Variants in SH3BGRL2 observed in about 807,000 individuals in gnomAD.
SH3BGRL2 encodes SH3 domain-binding glutamic acid-rich-like protein 2.
In SH3BGRL2, 21 loss-of-function variants were observed where a neutral mutation model predicts 14.8. That is an observed-to-expected ratio of 1.42 (90% CI 1.01 to 2.05). SH3BGRL2 has a LOEUF of 2.05. SH3BGRL2 is among the 30% of genes most tolerant of loss of function. The pLI is 0.00. For synonymous variants in SH3BGRL2, 50 were observed against 47.8 expected, an observed-to-expected ratio of 1.05 and a Z score of -0.19; for missense variants, 147 against 130.8, an observed-to-expected ratio of 1.12 and a Z score of -0.61.
intron 2 of SH3BGRL2, among the ~76,000 whole-genome samples, chr6:79,676,668 TTTG>T (rs1185636346): frequency 6.6e-6 from 1 of 151,590 alleles, no homozygotes; most frequent in Non-Finnish European, 1.5e-5. Context: ...TTTGAAAATC[TTTG>T]TTGTTTTGTT....
At chr6:79,613,143 T>C in the SH3BGRL2 span, among the ~76,000 whole-genome samples, 26,840 of 152,174 alleles carry the variant, frequency 0.18, 2,482 homozygotes, top group South Asian at 0.22. Flanking sequence ...AGCAACATTC[T>C]GTTTAGATCA....
chr6:79,626,563 T>C (rs1251380470), upstream of SH3BGRL2, among the ~76,000 whole-genome samples: 1 of 152,196 alleles, frequency 6.6e-6, no homozygotes, highest in Non-Finnish European at 1.5e-5. Context: ...ACTATCATAA[T>C]AACAGCTAGT....
chr6:79,587,550 C>G, the SH3BGRL2 span, among the ~76,000 whole-genome samples: 2 of 152,024 alleles, frequency 1.3e-5, no homozygotes, highest in Admixed American at 6.6e-5. Flanking sequence ...AACAATTTAC[C>G]CTGCCAAAAT....
At position 79,673,591 on chromosome 6, in the gene SH3BGRL2, ATTTG is replaced by A. The variant is rs781565563; in HGVS notation, c.46-17_46-14del. On this transcript the variant is annotated intron_variant, in intron 1 of 3. Transcript: ENST00000369838. ...CTGTTTCAGATAAGCGTATCTACTT[ATTTG>A]TTTGTCTTCTCTCTTTAGATAAAGA... The A allele has an allele frequency of 1.2e-6, 2 of 1,610,510 alleles. No individual in the cohort carries two copies. The highest frequency in any genetic ancestry group is 1.3e-5 in the African/African-American group (1 of 74,756).
At chr6:79,630,103 G>C (rs1186116971), upstream of SH3BGRL2, among the ~76,000 whole-genome samples, 3 of 152,086 alleles carry the variant, frequency 2.0e-5, no homozygotes, top group African/African-American at 7.2e-5. Flanking sequence ...TAAACACGAA[G>C]AAGAAATAAA....
At chr6:79,685,700 T>TAATGTATAAAGTATA (rs1337903918) in intron 2 of SH3BGRL2, among the ~76,000 whole-genome samples, 1 of 151,970 alleles carries the variant, frequency 6.6e-6, no homozygotes, top group African/African-American at 2.4e-5. Flanking sequence ...GTTATAATTA[T>TAATGTATAAAGTATA]ATGAATACTT....
chr6:79,589,077 C>T, the SH3BGRL2 span, among the ~76,000 whole-genome samples: 4 of 151,820 alleles, frequency 2.6e-5, no homozygotes, highest in African/African-American at 4.8e-5. Context: ...CTCTAGATTA[C>T]TTAAAATATC....
chr6:79,542,665 G>C, the SH3BGRL2 span, among the ~76,000 whole-genome samples: 1 of 152,192 alleles, frequency 6.6e-6, no homozygotes, highest in East Asian at 1.9e-4. Context: ...CTGCCAAAAT[G>C]GGGCATTTAG....
chr6:79,538,850 T>G, the SH3BGRL2 span, among the ~76,000 whole-genome samples: 3 of 152,250 alleles, frequency 2.0e-5, no homozygotes, highest in Non-Finnish European at 4.4e-5. Flanking sequence ...ACAGGTATTG[T>G]TATTCATTGT....
At chr6:79,654,515 C>A (rs992783861) in intron 1 of SH3BGRL2, among the ~76,000 whole-genome samples, 1 of 152,130 alleles carries the variant, frequency 6.6e-6, no homozygotes, top group Non-Finnish European at 1.5e-5. Flanking sequence ...ATGGTGAACC[C>A]CCTAACTTGA....
At chr6:79,673,514 C>G in intron 1 of SH3BGRL2, 100 bp from the exon 2 acceptor site, 1 of 1,247,188 alleles carries the variant, frequency 8.0e-7, no homozygotes, top group South Asian at 1.5e-5. Context: ...TAAATCACCT[C>G]TTTTTTTGTA....
At chr6:79,570,323 AAGC>A in the SH3BGRL2 span, among the ~76,000 whole-genome samples, 1 of 152,188 alleles carries the variant, frequency 6.6e-6, no homozygotes, top group Non-Finnish European at 1.5e-5. Context: ...CACGGTGACT[AAGC>A]AGGCAGATGG....
intron 2 of SH3BGRL2, among the ~76,000 whole-genome samples, chr6:79,675,808 G>T (rs1369922379): frequency 1.4e-5 from 2 of 142,534 alleles, no homozygotes; most frequent in Non-Finnish European, 1.6e-5. Context: ...TGATTTATTT[G>T]AAGTTTTCTT....
At chr6:79,628,740 C>T (rs1434725796), upstream of SH3BGRL2, among the ~76,000 whole-genome samples, 1 of 149,866 alleles carries the variant, frequency 6.7e-6, no homozygotes, top group Non-Finnish European at 1.5e-5. Context: ...TGAACCTTTT[C>T]ATTCAGGGTG....
chr6:79,549,668 CT>C, the SH3BGRL2 span, among the ~76,000 whole-genome samples: 1 of 152,178 alleles, frequency 6.6e-6, no homozygotes, highest in African/African-American at 2.4e-5. Flanking sequence ...CCTAACAACT[CT>C]TTTTAAAATA....
chr6:79,601,065 C>T, the SH3BGRL2 span, among the ~76,000 whole-genome samples: 1 of 152,174 alleles, frequency 6.6e-6, no homozygotes, highest in South Asian at 2.1e-4. Context: ...CCTGAATCTG[C>T]AAACCAGGAT....
chr6:79,574,383 C>G, the SH3BGRL2 span: 1 of 152,154 alleles, frequency 6.6e-6, no homozygotes, highest in Non-Finnish European at 1.5e-5. Context: ...GCTAAGTTAT[C>G]TCCAGTAAAG....
chr6:79,660,790 G>A (rs923107848), intron 1 of SH3BGRL2, among the ~76,000 whole-genome samples: 6 of 152,050 alleles, frequency 3.9e-5, no homozygotes, highest in Non-Finnish European at 7.4e-5. Context: ...TGGTTGATAG[G>A]CTATTCATTA....
chr6:79,631,294 TG>T, upstream of SH3BGRL2: 1 of 495,320 alleles, frequency 2.0e-6, no homozygotes, highest in Non-Finnish European at 3.3e-6. Context: ...CGGGCGGCGC[TG>T]GGCTTTTATC....
Sources: gnomAD v4.1 joint callset for allele counts (sites outside exome capture counted in the v4.1 genomes callset) on GRCh38, gnomAD v4.1.1 for gene constraint, MANE v1.5 for transcripts, NCBI Gene and HGNC (gene_info 2026-07-23, HGNC 2026-07-21) for gene names.